The following MYLK3 variants were observed in gnomAD, a reference collection of about 807,000 sequenced individuals.
MYLK3 encodes myosin light chain kinase 3.
In MYLK3, 55 loss-of-function variants were observed where a neutral mutation model predicts 76.3. The ratio of observed to expected loss-of-function variants is 0.72; its 90% confidence interval spans 0.58 to 0.90. MYLK3 has a LOEUF of 0.90. Among genes scored for constraint, MYLK3 ranks in the 40% least tolerant of loss-of-function variants. The pLI, the probability that MYLK3 is intolerant of heterozygous loss-of-function variation, is 0.00. For missense variants in MYLK3, 973 were observed against 1,053.6 expected (o/e 0.92, Z 1.06); for synonymous variants, 416 against 425.4 (o/e 0.98, Z 0.27).
At chr16:46,760,061 C>T (rs1967256566) in intron 1 of MYLK3, among the ~76,000 whole-genome samples, 1 of 152,244 alleles carries the variant, frequency 6.6e-6, no homozygotes, top group South Asian at 2.1e-4. Flanking sequence ...GGAACCAGGA[C>T]AACCCGCCTC....
chr16:46,752,337 C>T (rs1208864544), upstream of MYLK3, among the ~76,000 whole-genome samples: 2 of 152,082 alleles, frequency 1.3e-5, no homozygotes, highest in African/African-American at 4.8e-5. Context: ...TAGGCTCAAG[C>T]GATCCTCCAG....
chr16:46,710,900 G>C, intron 10 of MYLK3, 111 bp from the exon 11 acceptor site: 3 of 1,305,560 alleles, frequency 2.3e-6, no homozygotes, highest in Non-Finnish European at 3.3e-6. Context: ...AACCAAGAGG[G>C]TTCAAAATAA....
intron 8 of MYLK3, 126 bp from the exon 9 acceptor site, chr16:46,721,319 G>T: frequency 1.3e-6 from 1 of 754,980 alleles, no homozygotes; most frequent in East Asian, 2.6e-5. Context: ...AGCCCTGCAA[G>T]GGCTGGATAG....
At chr16:46,711,107 T>G (rs1237575382) in intron 10 of MYLK3, 1 of 300,706 alleles carries the variant, frequency 3.3e-6, no homozygotes, top group African/African-American at 2.2e-5. Context: ...AAGTACACAT[T>G]GATTTAATTT....
intron 3 of MYLK3, among the ~76,000 whole-genome samples, chr16:46,736,828 C>T (rs922807748): frequency 6.6e-6 from 1 of 152,212 alleles, no homozygotes; most frequent in African/African-American, 2.4e-5. Context: ...AAGCCCGGGG[C>T]CACAGCGCCC....
Position 46,729,606 on chromosome 16 carries a change from G to A in MYLK3, c.1650C>T (p.Ser550=), listed in dbSNP as rs1305310939. The change falls in exon 6 of 13, where the codon AGC becomes AGT. Residue 550 remains serine, a synonymous_variant. Coordinates refer to ENST00000394809, the MANE Select transcript of MYLK3 (RefSeq NM_182493.3). ...PLAAKIIKVK[S]AKDREDVKNE... is the part of the protein sequence containing the mutation. ...CCAGATGCCTCACCCGGTCCTTGGCGCTCTTCACTTTGATGATCTTGGCAG... is the reference window on the plus strand; with the variant it reads ...CCAGATGCCTCACCCGGTCCTTGGCACTCTTCACTTTGATGATCTTGGCAG... 5.6e-6 allele frequency: 9 copies of A among 1,613,500 alleles called. No individual in the cohort carries two copies. The highest frequency in any genetic ancestry group is 5.3e-5 in the African/African-American group (4 of 74,836).
In MYLK3 at chr16:46,712,677, C is replaced by T. The variant is rs745405303; in HGVS notation, c.2085G>A (p.Met695Ile). 1.3e-6 allele frequency: 2 copies of T among 1,584,858 alleles called. No homozygotes were observed. Among genetic ancestry groups the T allele is most frequent in the African/African-American group, 1.4e-5 (1 of 73,290 alleles). Residue 695 changes from methionine to isoleucine, a missense_variant, in exon 10 of 13, where the codon ATG (methionine) becomes ATA (isoleucine). Physicochemically the swap from Met to Ile is conservative, Grantham distance 10. Transcript: ENST00000394809. ...NYEFVSFPTD[M>I]WSVGVITYML... ...TGTAGGTGATGACTCCCACACTCCA[C>T]ATGTCTGTGGGGAATGAGACAAACT...
intron 1 of MYLK3, among the ~76,000 whole-genome samples, chr16:46,760,693 G>A (rs530853917): frequency 2.6e-5 from 4 of 152,268 alleles, no homozygotes; most frequent in Admixed American, 2.6e-4. Context: ...CCTACCCTCT[G>A]AGCTGAGCCC....
chr16:46,710,552 A>G (rs1175235485), intron 11 of MYLK3, 85 bp downstream of exon 11: 16 of 1,458,436 alleles, frequency 1.1e-5, no homozygotes, highest in Admixed American at 8.1e-5. Flanking sequence ...AGGAAGAAGG[A>G]CCTTCACGGT....
At chr16:46,758,301 C>CAA (rs1596781185) in intron 1 of MYLK3, among the ~76,000 whole-genome samples, 2 of 43,484 alleles carry the variant, frequency 4.6e-5, no homozygotes, top group East Asian at 3.3e-3. Flanking sequence ...CACACACACA[C>CAA]ACACTCTCTC....
chr16:46,712,595 G>A (rs1966694987), intron 10 of MYLK3, 53 bp downstream of exon 10: 2 of 1,375,602 alleles, frequency 1.5e-6, no homozygotes, highest in Non-Finnish European at 1.9e-6. Context: ...ATTACCCAAA[G>A]GAAGACAAAT....
intron 8 of MYLK3, chr16:46,726,255 A>G (rs568928966): frequency 6.6e-6 from 1 of 152,310 alleles, no homozygotes; most frequent in African/African-American, 2.4e-5. Flanking sequence ...CTACTCAGCC[A>G]TAAAAAGGAA....
intron 9 of MYLK3, among the ~76,000 whole-genome samples, chr16:46,718,978 G>A (rs1966772722): frequency 6.6e-6 from 1 of 151,954 alleles, no homozygotes; most frequent in Admixed American, 6.6e-5. Context: ...CATTAGGAGA[G>A]AGAAGGAGCT....
chr16:46,756,714 C>T (rs749000484), intron 1 of MYLK3, among the ~76,000 whole-genome samples: 1 of 152,220 alleles, frequency 6.6e-6, no homozygotes, highest in Non-Finnish European at 1.5e-5. Context: ...TAGGGGCTCA[C>T]GGTGCACCTG....
Position 46,748,146 on chromosome 16 carries a change from C to A in MYLK3, c.48G>T (p.Gly16=), listed in dbSNP as rs774256688. Reference sequence around the variant, plus strand: ...TGGTTGTTAAGCAGGTCTTGCCCAACCCTGGCAGCCCCCCATGCCCCAGAC... The same window carrying A: ...TGGTTGTTAAGCAGGTCTTGCCCAAACCTGGCAGCCCCCCATGCCCCAGAC... ...KESLGHGGLP[G]LGKTCLTTMD... The change falls in exon 1 of 13, where the codon GGG becomes GGT. Residue 16 remains glycine (G), a synonymous_variant. Coordinates refer to ENST00000394809, the MANE Select transcript of MYLK3 (RefSeq NM_182493.3). This position sits in a 1 kb window ranked among gnomAD's most constrained non-coding sequence, Gnocchi z 4.3. 8.1e-6 allele frequency: 13 copies of A among 1,614,080 alleles called. No individual in the cohort carries two copies. In the Admixed American group the frequency reaches 1.8e-4, roughly 23 times the overall value.
intron 11 of MYLK3, 94 bp downstream of exon 11, chr16:46,710,542 AG>A (rs1431331623): frequency 2.2e-6 from 3 of 1,385,114 alleles, no homozygotes; most frequent in Non-Finnish European, 3.0e-6. Context: ...ATTTGTCCAC[AG>A]GAAGAAGGAC....
chr16:46,707,552 T>C lies in MYLK3; in HGVS notation c.*152A>G. The stretch of plus-strand genomic sequence containing the variant: ...GAAGCTTCTTTACAGCCACTTTTCA[T>C]CCACAAGGAAGGCAGCAGCCATAAC... On this transcript the variant is annotated 3_prime_UTR_variant, in exon 13 of 13. Transcript: ENST00000394809. 1.8e-6 allele frequency: 1 copy of C among 570,954 alleles called. No individual in the cohort carries two copies. Among genetic ancestry groups the C allele is most frequent in the Non-Finnish European group, 3.1e-6 (1 of 322,368 alleles). 35.4% of individuals were successfully genotyped at this position (570,954 alleles called of 1,614,324 possible).
chr16:46,720,037 G>A (rs1032323074), intron 9 of MYLK3, among the ~76,000 whole-genome samples: 6 of 152,084 alleles, frequency 3.9e-5, no homozygotes, highest in African/African-American at 1.4e-4. Context: ...AATTAGCCAC[G>A]TGTGGTGGCA....
intron 1 of MYLK3, among the ~76,000 whole-genome samples, chr16:46,758,980 T>A (rs1967241888): frequency 6.6e-6 from 1 of 152,200 alleles, no homozygotes; most frequent in East Asian, 1.9e-4. Flanking sequence ...TACAGAAAGA[T>A]GATAAAGCAA....
Sources: gnomAD v4.1 joint callset for allele counts (sites outside exome capture counted in the v4.1 genomes callset) on GRCh38, gnomAD v4.1.1 for gene constraint, Gnocchi (gnomAD v3.1) non-coding constraint, MANE v1.5 for transcripts, NCBI Gene and HGNC (gene_info 2026-07-23, HGNC 2026-07-21) for gene names.